Variants in NPC1L1 observed in about 807,000 individuals in gnomAD.
NPC1L1 encodes NPC1 like intracellular cholesterol transporter 1, also known as NPC1-like intracellular cholesterol transporter 1.
NPC1L1 carries 98 observed loss-of-function variants against 117.0 expected under a neutral mutation model. That is an observed-to-expected ratio of 0.84 (90% CI 0.71 to 0.99). The LOEUF (loss-of-function observed/expected upper bound fraction) is 0.99. Ranked by LOEUF, NPC1L1 falls within the 50% of genes least tolerant of loss-of-function variation. NPC1L1 has a pLI of 0.00. For missense variants in NPC1L1, 1,540 were observed against 1,710.0 expected (o/e 0.90, Z 1.75); for synonymous variants, 729 against 727.6 (o/e 1.00, Z -0.03).
Position 44,539,480 on chromosome 7 carries a change from C to G in NPC1L1, c.917G>C (p.Arg306Pro). Reference sequence around the variant, plus strand: ...GCTTTTGTCCCTGGCGGGGGCCACACGGAATCCCACAAGCAGGATGGTGAC... The same window carrying G: ...GCTTTTGTCCCTGGCGGGGGCCACAGGGAATCCCACAAGCAGGATGGTGAC... The part of the protein sequence containing the change: ...AVVTILLVGF[R>P]VAPARDKSKM... The change falls in exon 2 of 19, where the codon CGT becomes CCT. Residue 306 changes from arginine to proline, a missense_variant. Transcript: ENST00000381160. This position sits in a 1 kb window ranked among gnomAD's most constrained non-coding sequence, Gnocchi z 4.4. The G allele has an allele frequency of 6.2e-7, 1 of 1,613,946 alleles. No homozygotes were observed. Among genetic ancestry groups the G allele is most frequent in the Non-Finnish European group, 8.5e-7 (1 of 1,179,950 alleles).
At chr7:44,537,064 G>T in intron 2 of NPC1L1, 122 bp from the exon 3 acceptor site, 1 of 748,628 alleles carries the variant, frequency 1.3e-6, no homozygotes, top group African/African-American at 1.8e-5. Flanking sequence ...GTGGGGTGGG[G>T]GACACTGGCT....
At chr7:44,530,286 C>G (rs375153417) in intron 10 of NPC1L1, among the ~76,000 whole-genome samples, 1 of 151,734 alleles carries the variant, frequency 6.6e-6, no homozygotes, top group Non-Finnish European at 1.5e-5. Context: ...TGCGGTGAGC[C>G]GAGATCACAC....
rs774146271 is a variant in NPC1L1, at chr7:44,536,419, T to C, written c.1691A>G (p.Tyr564Cys). 3 of 1,612,532 alleles carry C rather than the reference T, an allele frequency of 1.9e-6. No homozygotes were observed. ...LAIGGYKGKD[Y>C]SEAEALIMTF... Reference sequence around the variant, plus strand: ...CATGATCAGGGCCTCTGCCTCAGAATAGTCCTTTCCTGGGATAAGAAATAC... The same window carrying C: ...CATGATCAGGGCCTCTGCCTCAGAACAGTCCTTTCCTGGGATAAGAAATAC... Residue 564 changes from tyrosine (Y) to cysteine (C), a missense_variant, in exon 4 of 19, where the codon TAT (tyrosine) becomes TGT (cysteine). By Grantham distance (194) the Tyr-to-Cys change is radical. Transcript: ENST00000381160. This position sits in a 1 kb window ranked among gnomAD's most constrained non-coding sequence, Gnocchi z 4.7.
In NPC1L1 at chr7:44,530,163, C is replaced by A. The variant is rs185267077; in HGVS notation, c.2637+1592G>T. Among the ~76,000 whole-genome samples the A allele has an allele frequency of 3.3e-4, 50 of 152,190 alleles. No individual in the cohort carries two copies. The East Asian group carries it at 8.9e-3, about 27-fold the overall frequency. On this transcript the variant is annotated intron_variant, in intron 10 of 18. Coordinates refer to ENST00000381160, the MANE Select transcript of NPC1L1 (RefSeq NM_001101648.2). ...GACCAGCCAGGCCAACATGGTGAAA[C>A]CCTGTCTCTACTAAAAATACAAAAA...
chr7:44,523,055 T>TTTTTGTTTTG (rs376801014), intron 10 of NPC1L1, among the ~76,000 whole-genome samples: 2 of 152,028 alleles, frequency 1.3e-5, no homozygotes, highest in East Asian at 3.8e-4. Context: ...AACTATTTTG[T>TTTTTGTTTTG]TTTTGTTTTG....
rs1184712108 is a variant in NPC1L1, at chr7:44,516,803, AGG to A, written c.3417_3418del (p.Leu1140GlnfsTer128). On this transcript the variant is annotated frameshift_variant, in exon 16 of 19. Coordinates refer to ENST00000381160, the MANE Select transcript of NPC1L1 (RefSeq NM_001101648.2). LOFTEE classifies it high-confidence loss of function. ...GATCATGACAATGGAGAGCAGGTTG[AGG>A]AGGCCGGAGCGCAGGTCCAGGCCCA... is the stretch of plus-strand genomic sequence containing the variant. 6.2e-7 allele frequency: 1 copy of A among 1,614,104 alleles called. No homozygotes were observed. The highest frequency in any genetic ancestry group is 1.7e-5 in the Admixed American group (1 of 60,004).
intron 10 of NPC1L1, among the ~76,000 whole-genome samples, chr7:44,526,213 T>G (rs557830886): frequency 1.5e-3 from 219 of 149,716 alleles, no homozygotes; most frequent in African/African-American, 4.8e-3. Flanking sequence ...AAAAAACAAT[T>G]GTCAATGAAG....
chr7:44,516,046 C>T (rs547764496), intron 17 of NPC1L1, 38 bp downstream of exon 17: 27 of 1,606,104 alleles, frequency 1.7e-5, no homozygotes, highest in East Asian at 4.5e-5. Flanking sequence ...CACAGGGTGT[C>T]GAGTGGGGCA....
rs1801958316 is a variant in NPC1L1, at chr7:44,538,173, G to A, written c.1580+644C>T. Among the ~76,000 whole-genome samples, 1 of 152,214 alleles carries A rather than the reference G, an allele frequency of 6.6e-6. No individual in the cohort carries two copies. Among genetic ancestry groups the A allele is most frequent in the African/African-American group, 2.4e-5 (1 of 41,458 alleles). On this transcript the variant is annotated intron_variant, in intron 2 of 18. Coordinates refer to ENST00000381160, the MANE Select transcript of NPC1L1 (RefSeq NM_001101648.2). The surrounding 1 kb of genome is among the most constrained non-coding windows in gnomAD (Gnocchi z 5.9). The stretch of plus-strand genomic sequence containing the variant: ...ACCTCTGCTCTACTCCAACCTCAAG[G>A]AGCCTCCACTGCCAAGGCCCTGCTG...
intron 18 of NPC1L1, 34 bp from the exon 19 acceptor site, chr7:44,513,683 T>C (rs779414205): frequency 6.2e-7 from 1 of 1,605,892 alleles, no homozygotes; most frequent in South Asian, 1.1e-5. Context: ...GTCAGAGAGG[T>C]GGGCAGGGGA....
chr7:44,536,896 T>C lies in NPC1L1; in HGVS notation c.1627A>G (p.Met543Val), dbSNP rs1467378861. Reference protein sequence around the residue: ...KDGTALALSCMADYGAPVFPF... With the variant: ...KDGTALALSCVADYGAPVFPF... Reference sequence around the variant, plus strand: ...AAGACAGGGGCCCCGTAGTCAGCCATGCAGCTCAGGGCCAGGGCTGTGCCA... The same window carrying C: ...AAGACAGGGGCCCCGTAGTCAGCCACGCAGCTCAGGGCCAGGGCTGTGCCA... Residue 543 changes from methionine to valine, a missense_variant, in exon 3 of 19, where the codon ATG becomes GTG. Met to Val is a conservative substitution (Grantham distance 21). Coordinates refer to ENST00000381160, the MANE Select transcript of NPC1L1 (RefSeq NM_001101648.2). This position sits in a 1 kb window ranked among gnomAD's most constrained non-coding sequence, Gnocchi z 4.7. 1.2e-6 allele frequency: 2 copies of C among 1,614,052 alleles called. No individual in the cohort carries two copies. Among genetic ancestry groups the C allele is most frequent in the African/African-American group, 2.7e-5 (2 of 75,016 alleles).
intron 18 of NPC1L1, among the ~76,000 whole-genome samples, chr7:44,515,222 T>C (rs1241459158): frequency 1.3e-5 from 2 of 151,814 alleles, no homozygotes; most frequent in African/African-American, 4.8e-5. Flanking sequence ...GGCATGGTGG[T>C]GTGCACCTGT....
intron 10 of NPC1L1, among the ~76,000 whole-genome samples, chr7:44,524,956 GA>G (rs1239649516): frequency 6.6e-6 from 1 of 151,856 alleles, no homozygotes; most frequent in Non-Finnish European, 1.5e-5. Flanking sequence ...AAAGCAGTCA[GA>G]AGAAAGAATT....
In NPC1L1 at chr7:44,522,076, TG is replaced by T; in HGVS notation, c.2803del (p.Gln935SerfsTer27). ...CNNFSFTQKI[Q>X]YATEFPEQSY... Reference sequence around the variant, plus strand: ...CTGCTCAGGGAACTCTGTGGCATACTGGATCTTCTGGGTGAAGGAGAAGTTG... The same window carrying T: ...CTGCTCAGGGAACTCTGTGGCATACTGATCTTCTGGGTGAAGGAGAAGTTG... On this transcript the variant is annotated frameshift_variant, in exon 11 of 19. Transcript: ENST00000381160. LOFTEE classifies it high-confidence loss of function. 2 of 1,613,954 alleles carry T rather than the reference TG, an allele frequency of 1.2e-6. No homozygotes were observed. The highest frequency in any genetic ancestry group is 1.7e-6 in the Non-Finnish European group (2 of 1,179,946).
chr7:44,536,129 C>G lies in NPC1L1; in HGVS notation c.1854+127G>C. The G allele has an allele frequency of 1.9e-6, 3 of 1,541,952 alleles. No homozygotes were observed. The highest frequency in any genetic ancestry group is 2.7e-6 in the Non-Finnish European group (3 of 1,117,998). On this transcript the variant is annotated intron_variant, in intron 4 of 18. Coordinates refer to ENST00000381160, the MANE Select transcript of NPC1L1 (RefSeq NM_001101648.2). This position sits in a 1 kb window ranked among gnomAD's most constrained non-coding sequence, Gnocchi z 4.7. ...CTATAAGAACAGCCATCACAATCAC[C>G]CCGTTCTGAGCAGGCAGCCACTGCC... is the stretch of plus-strand genomic sequence containing the variant.
chr7:44,522,428 G>A (rs984054064), intron 10 of NPC1L1, among the ~76,000 whole-genome samples, 186 bp from the exon 11 acceptor site: 10 of 152,286 alleles, frequency 6.6e-5, no homozygotes, highest in African/African-American at 2.4e-4. Flanking sequence ...CACACTCAAA[G>A]GGATGTGCTC....
Position 44,532,225 on chromosome 7 carries a change from G to A in NPC1L1, c.2410-8C>T, listed in dbSNP as rs771259220. The stretch of plus-strand genomic sequence containing the variant: ...GACGTCCAACCGGGAGGCCTGGAGT[G>A]GGAGGCACCCCCTCAAGGTAGTCCC... On this transcript the variant is annotated splice_polypyrimidine_tract_variant and splice_region_variant and intron_variant, in intron 8 of 18. Coordinates refer to ENST00000381160, the MANE Select transcript of NPC1L1 (RefSeq NM_001101648.2). 6 of 1,613,276 alleles carry A rather than the reference G, an allele frequency of 3.7e-6. No homozygotes were observed. In the Middle Eastern group the frequency reaches 5.1e-4, roughly 137 times the overall value.
chr7:44,522,295 G>A (rs1314669388), intron 10 of NPC1L1, 53 bp from the exon 11 acceptor site: 3 of 1,539,956 alleles, frequency 1.9e-6, no homozygotes, highest in African/African-American at 2.7e-5. Context: ...CACCCCTAAA[G>A]GGCTCAATCC....
At chr7:44,523,793 G>A (rs1482004903) in intron 10 of NPC1L1, among the ~76,000 whole-genome samples, 1 of 152,198 alleles carries the variant, frequency 6.6e-6, no homozygotes, top group Non-Finnish European at 1.5e-5. Context: ...TTTGAGCCTG[G>A]AAGTTTGCTG....
Sources: allele counts gnomAD v4.1 joint callset (sites outside exome capture counted in the v4.1 genomes callset), GRCh38; gene constraint gnomAD v4.1.1; non-coding constraint Gnocchi (gnomAD v3.1); transcripts MANE v1.5; gene names NCBI Gene and HGNC (gene_info 2026-07-23, HGNC 2026-07-21).